Variants in RBM41 observed in about 807,000 individuals in gnomAD.
RBM41 encodes RNA-binding protein 41.
A neutral mutation model predicts 30.8 loss-of-function variants in RBM41; 14 were observed. That is an observed-to-expected ratio of 0.45 (90% CI 0.30 to 0.71). The LOEUF is 0.71. Ranked by LOEUF, RBM41 falls within the 30% of genes least tolerant of loss-of-function variation. The pLI, the probability that RBM41 is intolerant of heterozygous loss-of-function variation, is 0.08. For missense variants in RBM41, 276 were observed against 326.3 expected, an observed-to-expected ratio of 0.85 and a Z score of 1.19; for synonymous variants, 120 against 110.1, an observed-to-expected ratio of 1.09 and a Z score of -0.56.
chrX:107,078,106 C>T (rs1338256387), intron 6 of RBM41, among the ~76,000 whole-genome samples: 1 of 111,589 alleles, frequency 9.0e-6, no homozygotes, highest in Non-Finnish European at 1.9e-5. Context: ...GAAAACCACA[C>T]AGGAGAAGTA....
rs373033306 is a variant in RBM41 at position 107,115,952 on chromosome X, A to G, written c.228T>C (p.His76=). The G allele has an allele frequency of 8.3e-7, 1 of 1,211,001 alleles. No homozygotes were observed. The highest frequency in any genetic ancestry group is 1.1e-6 in the Non-Finnish European group (1 of 895,027). The stretch of plus-strand genomic sequence containing the variant: ...GAGAAGCAGTTTCCTGGTCCTTCTC[A>G]TGCAGTGTCTGGAATTGGGACAAAG... ...TMTLSQFQTL[H]EKDQETASLR... The change falls in exon 3 of 8, where the codon CAT becomes CAC. Residue 76 remains histidine (H), a synonymous_variant. Coordinates refer to ENST00000685964, the MANE Select transcript of RBM41 (RefSeq NM_001324242.2).
intron 6 of RBM41, among the ~76,000 whole-genome samples, chrX:107,076,460 G>A (rs756563503): frequency 3.6e-5 from 4 of 110,904 alleles, no homozygotes; most frequent in Non-Finnish European, 5.7e-5. Context: ...TATAGGCTAA[G>A]TGAAATAAGC....
In RBM41 at chrX:107,066,759, T is replaced by C; in HGVS notation, c.*768A>G. ...ATCCTCTTTTCTAGAGAACGCTTTA[T>C]TTCCATTTCCGTTTGGCATTCTTTG... On this transcript the variant is annotated 3_prime_UTR_variant, in exon 8 of 8. Coordinates refer to ENST00000685964, the MANE Select transcript of RBM41 (RefSeq NM_001324242.2). 1 of 749,567 alleles carries C rather than the reference T, an allele frequency of 1.3e-6. No individual in the cohort carries two copies. The highest frequency in any genetic ancestry group is 2.3e-5 in the African/African-American group (1 of 43,722). The allele number at this position is 749,567 out of a possible 1,213,427, so 61.8% of individuals were successfully genotyped here. A position where few individuals can be genotyped will look rare whatever the true frequency, so the allele number is the denominator to read the frequency against.
At position 107,065,579 on chromosome X, in the gene RBM41, T is replaced by A. The variant is rs1935805665; in HGVS notation, c.*1948A>T. On this transcript the variant is annotated 3_prime_UTR_variant, in exon 8 of 8. Coordinates refer to ENST00000685964, the MANE Select transcript of RBM41 (RefSeq NM_001324242.2). ...CCCAACACACATTATTATAATTACT[T>A]AATATAATTTTACATCTTTAAAAGA... The A allele has an allele frequency of 1.1e-5, 4 of 366,416 alleles. No individual in the cohort carries two copies. Among genetic ancestry groups the A allele is most frequent in the Non-Finnish European group, 1.8e-5 (4 of 222,930 alleles). The allele number at this position is 366,416 out of a possible 1,213,427, so 30.2% of individuals were successfully genotyped here.
At chrX:107,111,741 G>A (rs971203647) in intron 5 of RBM41, among the ~76,000 whole-genome samples, 23 of 111,520 alleles carry the variant, frequency 2.1e-4, no homozygotes, top group African/African-American at 7.1e-4. Flanking sequence ...CAACTTAGAT[G>A]AATCTTGAAG....
At position 107,069,328 on chromosome X, in the gene RBM41, C is replaced by A. The variant is rs191625531; in HGVS notation, c.1074G>T (p.Glu358Asp). 9.7e-5 allele frequency: 117 copies of A among 1,208,494 alleles called. No individual in the cohort carries two copies. Among genetic ancestry groups the A allele is most frequent in the African/African-American group, 7.9e-4 (45 of 57,087 alleles). ...DLVSLFARFQ[E>D]KKGPPIQFRM... ...GGAATTGAATTGGAGGTCCTTTTTT[C>A]TCCTGGAACCGAGCGAACAATGACA... is the stretch of plus-strand genomic sequence containing the variant. The change falls in exon 7 of 8, where the codon GAG becomes GAT. Residue 358 changes from glutamate to aspartate, a missense_variant. Glu to Asp is a conservative substitution (Grantham distance 45). Transcript: ENST00000685964.
chrX:107,091,793 T>C (rs1355076373), intron 5 of RBM41, among the ~76,000 whole-genome samples: 1 of 112,320 alleles, frequency 8.9e-6, no homozygotes, highest in African/African-American at 3.2e-5. Flanking sequence ...ATTTACTTTT[T>C]TGCACTTAAC....
Position 107,112,254 on chromosome X carries a change from T to C in RBM41, c.595+1143A>G, listed in dbSNP as rs555270525. Among the ~76,000 whole-genome samples the C allele has an allele frequency of 2.2e-4, 25 of 111,402 alleles. No homozygotes were observed. In the South Asian group the frequency reaches 9.1e-3, roughly 41 times the overall value. On this transcript the variant is annotated intron_variant, in intron 5 of 7. Transcript: ENST00000685964. The stretch of plus-strand genomic sequence containing the variant: ...TGAACAGACACTTTAGCAAACAGGA[T>C]ATAAGGATGGCAAATAAGCAAATGA...
rs1458748842 is a variant in RBM41, at chrX:107,088,416, T to G, written c.999+20A>C. 8.4e-7 allele frequency: 1 copy of G among 1,184,806 alleles called. No individual in the cohort carries two copies. The highest frequency in any genetic ancestry group is 1.1e-6 in the Non-Finnish European group (1 of 879,785). ...AAAAGCGAAATCAACCCAGGTTGTT[T>G]TACTTGGTTTGGCCTATACCTTGTT... On this transcript the variant is annotated intron_variant, in intron 6 of 7. Coordinates refer to ENST00000685964, the MANE Select transcript of RBM41 (RefSeq NM_001324242.2).
chrX:107,081,987 C>A (rs6616625), intron 6 of RBM41, among the ~76,000 whole-genome samples: 26,349 of 110,746 alleles, frequency 0.24, 2,569 homozygotes, highest in East Asian at 0.48. Context: ...TTTTTTCCTT[C>A]CCAATCTGTA....
At chrX:107,113,670 C>T (rs1258093998) in intron 4 of RBM41, among the ~76,000 whole-genome samples, 3 of 112,017 alleles carry the variant, frequency 2.7e-5, no homozygotes, top group Non-Finnish European at 5.6e-5. Flanking sequence ...AGAGAGGTAA[C>T]TTGCCTAGCA....
intron 2 of RBM41, chrX:107,116,330 TA>T: frequency 1.2e-6 from 1 of 808,647 alleles, no homozygotes; most frequent in South Asian, 5.8e-5. Flanking sequence ...ATAAAAAAGA[TA>T]AAAATGGCTC....
the RBM41 span, among the ~76,000 whole-genome samples, chrX:107,054,808 T>A: frequency 8.9e-6 from 1 of 112,001 alleles, no homozygotes; most frequent in Admixed American, 9.5e-5. Context: ...CGAGGAAATT[T>A]AAGAGCACTT....
At chrX:107,092,223 AAATT>A (rs746297317) in intron 5 of RBM41, among the ~76,000 whole-genome samples, 25 of 110,472 alleles carry the variant, frequency 2.3e-4, no homozygotes, top group Non-Finnish European at 2.1e-4. Context: ...AACTACATTA[AAATT>A]AAGAACTTCT....
chrX:107,071,459 A>G (rs189428783), intron 6 of RBM41, among the ~76,000 whole-genome samples: 1 of 111,642 alleles, frequency 9.0e-6, no homozygotes, highest in Admixed American at 9.5e-5. Context: ...ACATTATAAG[A>G]AAAATACAGA....
chrX:107,060,861 C>G (rs1935628188), downstream of RBM41, among the ~76,000 whole-genome samples: 1 of 111,297 alleles, frequency 9.0e-6, no homozygotes, highest in Non-Finnish European at 1.9e-5. Context: ...CCAGCAAACA[C>G]CCCTTTAAGC....
chrX:107,106,447 G>A, intron 5 of RBM41, among the ~76,000 whole-genome samples: 1 of 111,443 alleles, frequency 9.0e-6, no homozygotes, highest in East Asian at 2.8e-4. Flanking sequence ...CAACCATTGT[G>A]GAATTCAGTG....
intron 4 of RBM41, 102 bp from the exon 5 acceptor site, chrX:107,113,570 T>G (rs1602618869): frequency 2.2e-6 from 2 of 912,645 alleles, no homozygotes; most frequent in East Asian, 1.5e-4. Context: ...TTAAGTGATT[T>G]ACATGTATTC....
chrX:107,062,987 A>G lies in RBM41; in HGVS notation c.*4540T>C, dbSNP rs764491331. Among the ~76,000 whole-genome samples the G allele has an allele frequency of 8.9e-6, 1 of 111,750 alleles. No individual in the cohort carries two copies. Among genetic ancestry groups the G allele is most frequent in the African/African-American group, 3.2e-5 (1 of 30,805 alleles). ...TAGTATTGTACTAAATAGATGTACC[A>G]TAAGTTATTTACCCATTTTCCTATT... is the stretch of plus-strand genomic sequence containing the variant. On this transcript the variant is annotated 3_prime_UTR_variant, in exon 8 of 8. Coordinates refer to ENST00000685964, the MANE Select transcript of RBM41 (RefSeq NM_001324242.2).
Sources: gnomAD v4.1 joint callset for allele counts (sites outside exome capture counted in the v4.1 genomes callset) on GRCh38, gnomAD v4.1.1 for gene constraint, MANE v1.5 for transcripts, NCBI Gene and HGNC (gene_info 2026-07-23, HGNC 2026-07-21) for gene names.